Variants in SFRP1 observed in about 807,000 individuals in gnomAD.
SFRP1 encodes the protein secreted frizzled related protein 1, also known as secreted frizzled-related protein 1.
Under a neutral mutation model 25.9 loss-of-function variants are expected in SFRP1, and 9 were observed. The ratio of observed to expected loss-of-function variants is 0.35; its 90% CI spans 0.21 to 0.61. SFRP1 has a LOEUF of 0.61. Among genes scored for constraint, SFRP1 ranks in the 20% least tolerant of loss-of-function variants. The pLI, the probability that SFRP1 is intolerant of heterozygous loss-of-function variation, is 0.78. For missense variants in SFRP1, 346 were observed against 418.2 expected, an observed-to-expected ratio of 0.83 and a Z score of 1.51; for synonymous variants, 178 against 174.0, an observed-to-expected ratio of 1.02 and a Z score of -0.18.
chr8:41,285,343 T>C (rs1164466614), intron 2 of SFRP1, among the ~76,000 whole-genome samples: 1 of 151,992 alleles, frequency 6.6e-6, no homozygotes, highest in Non-Finnish European at 1.5e-5. Flanking sequence ...CACTATTCCC[T>C]TCACACACTC....
In SFRP1 at chr8:41,265,322, G is replaced by A. The variant is rs1803421825; in HGVS notation, c.790C>T (p.Leu264Phe). Residue 264 changes from leucine to phenylalanine, a missense_variant, in exon 3 of 3, where the codon CTC (leucine) becomes TTC (phenylalanine). Physicochemically the swap from Leu to Phe is conservative, Grantham distance 22 (BLOSUM62 0). Coordinates refer to ENST00000220772, the MANE Select transcript of SFRP1 (RefSeq NM_003012.5). ...CCCATGATGAGGAAGTGGTGGCTGA[G>A]GTTGTCCAGCTGGTGGCAGGGACAG... The part of the protein sequence containing the change: ...ADCPCHQLDN[L>F]SHHFLIMGRK... 1.2e-6 allele frequency: 2 copies of A among 1,614,086 alleles called. No individual in the cohort carries two copies. The highest frequency in any genetic ancestry group is 1.3e-5 in the African/African-American group (1 of 74,940).
At chr8:41,283,989 G>A (rs4336599) in intron 2 of SFRP1, among the ~76,000 whole-genome samples, 74,110 of 151,930 alleles carry the variant, frequency 0.49, 18,847 homozygotes, top group African/African-American at 0.64. Flanking sequence ...TGTCCTAGCT[G>A]GGCCAGGGGA....
chr8:41,307,063 A>C, intron 1 of SFRP1: 7 of 1,388,808 alleles, frequency 5.0e-6, no homozygotes, highest in South Asian at 1.5e-5. Context: ...GCACAGCCTC[A>C]CAGGGCAGGG....
chr8:41,304,442 GC>G (rs11290415), intron 1 of SFRP1, among the ~76,000 whole-genome samples: 37,996 of 151,928 alleles, frequency 0.25, 5,848 homozygotes, highest in South Asian at 0.32. Context: ...CTATCAAGCA[GC>G]CTGGAGCTTA....
chr8:41,301,515 G>A (rs1376911117), intron 2 of SFRP1, among the ~76,000 whole-genome samples: 1 of 152,192 alleles, frequency 6.6e-6, no homozygotes, highest in Non-Finnish European at 1.5e-5. Context: ...GGTTTCTCCT[G>A]CAACCAGCTC....
At chr8:41,293,395 G>C (rs966512227) in intron 2 of SFRP1, among the ~76,000 whole-genome samples, 1 of 152,198 alleles carries the variant, frequency 6.6e-6, no homozygotes, top group Admixed American at 6.5e-5. Flanking sequence ...AATGCGAAGC[G>C]AGTTGTTATA....
At chr8:41,289,066 G>A (rs769240250) in intron 2 of SFRP1, among the ~76,000 whole-genome samples, 3 of 152,158 alleles carry the variant, frequency 2.0e-5, no homozygotes, top group East Asian at 1.9e-4. Context: ...CAATGAATGC[G>A]TCCAACTCAG....
intron 2 of SFRP1, among the ~76,000 whole-genome samples, chr8:41,294,457 T>C (rs1291789226): frequency 6.6e-6 from 1 of 151,766 alleles, no homozygotes; most frequent in Non-Finnish European, 1.5e-5. Flanking sequence ...AGAGAGAAAA[T>C]CCCCCTCGTA....
At chr8:41,306,920 TC>T in intron 1 of SFRP1, 2 of 1,566,130 alleles carry the variant, frequency 1.3e-6, no homozygotes, top group South Asian at 1.2e-5. Flanking sequence ...ACCCGTCCAA[TC>T]CCCCCATGTT....
intron 2 of SFRP1, among the ~76,000 whole-genome samples, chr8:41,287,612 C>A (rs1344238729): frequency 2.0e-5 from 3 of 152,224 alleles, no homozygotes; most frequent in Non-Finnish European, 4.4e-5. Flanking sequence ...ATCTCAGGGT[C>A]TTCAGCTAAT....
chr8:41,309,374 G>T lies in SFRP1; in HGVS notation c.-215C>A, dbSNP rs1275529396. The T allele has an allele frequency of 3.2e-6, 1 of 307,962 alleles. No individual in the cohort carries two copies. The highest frequency in any genetic ancestry group is 1.3e-4 in the South Asian group (1 of 7,888). The allele number at this position is 307,962 out of a possible 1,614,324, so 19.1% of individuals were successfully genotyped here. On this transcript the variant is annotated 5_prime_UTR_variant, in exon 1 of 3. Transcript: ENST00000220772. ...GGCGCGGGCGGGGAGGCGGCGCTGCGGGCTGGGTGCGCCCCGGCTCCCGGA... is the reference window on the plus strand; with the variant it reads ...GGCGCGGGCGGGGAGGCGGCGCTGCTGGCTGGGTGCGCCCCGGCTCCCGGA...
At chr8:41,302,406 T>C (rs1173505905) in intron 2 of SFRP1, among the ~76,000 whole-genome samples, 2 of 152,248 alleles carry the variant, frequency 1.3e-5, no homozygotes, top group African/African-American at 4.8e-5. Flanking sequence ...AACAAGACCC[T>C]TCCGTGTACT....
intron 1 of SFRP1, among the ~76,000 whole-genome samples, chr8:41,305,414 G>C (rs1414331469): frequency 6.6e-6 from 1 of 152,224 alleles, no homozygotes; most frequent in African/African-American, 2.4e-5. Flanking sequence ...GTGCCTCTCA[G>C]AATGGCAGGA....
intron 2 of SFRP1, among the ~76,000 whole-genome samples, chr8:41,270,149 A>G (rs533378205): frequency 6.6e-6 from 1 of 152,144 alleles, no homozygotes; most frequent in Non-Finnish European, 1.5e-5. Context: ...CAAAAATCCA[A>G]TGGGAAGGGA....
chr8:41,306,987 G>A, intron 1 of SFRP1: 1 of 1,463,658 alleles, frequency 6.8e-7, no homozygotes, highest in Non-Finnish European at 9.0e-7. Flanking sequence ...GTCCACTCAT[G>A]TCTGCAGACG....
intron 2 of SFRP1, among the ~76,000 whole-genome samples, chr8:41,286,507 G>A (rs1279087882): frequency 6.6e-6 from 1 of 152,104 alleles, no homozygotes; most frequent in Admixed American, 6.5e-5. Flanking sequence ...AGCGGGGCGG[G>A]GGGAGGGGGT....
intron 2 of SFRP1, among the ~76,000 whole-genome samples, chr8:41,283,844 T>TTACAGGTGGCC (rs1422929375): frequency 2.0e-5 from 3 of 152,184 alleles, no homozygotes; most frequent in Non-Finnish European, 2.9e-5. Flanking sequence ...ATTACAGGTG[T>TTACAGGTGGCC]GAGCCACCAC....
At chr8:41,282,356 T>C (rs1043807082) in intron 2 of SFRP1, among the ~76,000 whole-genome samples, 1 of 152,134 alleles carries the variant, frequency 6.6e-6, no homozygotes, top group African/African-American at 2.4e-5. Flanking sequence ...GCTCTACATT[T>C]TTTTTAACTA....
At chr8:41,275,211 C>T in intron 2 of SFRP1, 2 of 451,086 alleles carry the variant, frequency 4.4e-6, no homozygotes, top group South Asian at 3.1e-5. Context: ...CTTCCCTACC[C>T]AGAGCTTTAT....
Sources: allele counts gnomAD v4.1 joint callset (sites outside exome capture counted in the v4.1 genomes callset), GRCh38; gene constraint gnomAD v4.1.1; transcripts MANE v1.5; gene names NCBI Gene and HGNC (gene_info 2026-07-23, HGNC 2026-07-21).